RTL4: variants seen among roughly 807,000 people sequenced by gnomAD.
RTL4 encodes retrotransposon Gag-like protein 4.
Under a neutral mutation model 5.3 loss-of-function variants are expected in RTL4, and 4 were observed. The ratio of observed to expected loss-of-function variants is 0.75; its 90% confidence interval spans 0.37 to 1.72. RTL4 has a LOEUF of 1.72. RTL4 is among the 40% of genes most tolerant of loss of function. The pLI is 0.04. For synonymous variants in RTL4, 98 were observed against 87.3 expected (o/e 1.12, Z -0.68); for missense variants, 260 against 227.1 (o/e 1.14, Z -0.93).
the RTL4 span, among the ~76,000 whole-genome samples, chrX:112,153,465 TG>T: frequency 8.9e-6 from 1 of 112,263 alleles, no homozygotes; most frequent in South Asian, 3.6e-4. Flanking sequence ...GAGACATTTT[TG>T]TCATACTTTT....
the RTL4 span, among the ~76,000 whole-genome samples, chrX:112,094,306 T>G: frequency 2.7e-5 from 3 of 111,198 alleles, no homozygotes; most frequent in Non-Finnish European, 5.7e-5. Flanking sequence ...GTTTCTGGCT[T>G]GAACAAGTAG....
chrX:112,111,491 C>G, the RTL4 span, among the ~76,000 whole-genome samples: 1 of 113,001 alleles, frequency 8.8e-6, no homozygotes, highest in African/African-American at 3.2e-5. Flanking sequence ...TGCAATAACT[C>G]CATGATTTCC....
chrX:112,419,746 T>C, the RTL4 span, among the ~76,000 whole-genome samples: 4 of 105,825 alleles, frequency 3.8e-5, 1 homozygote, highest in Admixed American at 2.1e-4. Context: ...GATGGATTTA[T>C]GGTTTTTGAC....
chrX:112,269,163 G>A, the RTL4 span, among the ~76,000 whole-genome samples: 1 of 112,067 alleles, frequency 8.9e-6, no homozygotes, highest in Admixed American at 9.5e-5. Context: ...ACTGTCAGCT[G>A]GCATAAGTAT....
the RTL4 span, among the ~76,000 whole-genome samples, chrX:112,327,657 G>A: frequency 9.1e-5 from 10 of 109,424 alleles, no homozygotes; most frequent in African/African-American, 1.3e-4. Context: ...TACAGAGAAC[G>A]CCACAAAGAT....
chrX:112,455,103 T>C (rs1317309380), exon 1 of RTL4: 7 of 1,209,830 alleles, frequency 5.8e-6, no homozygotes, highest in East Asian at 5.9e-5. Flanking sequence ...TGAAGCAATA[T>C]GAGAATCTTA....
the RTL4 span, among the ~76,000 whole-genome samples, chrX:112,325,933 A>C: frequency 8.9e-6 from 1 of 112,139 alleles, no homozygotes; most frequent in Admixed American, 9.5e-5. Flanking sequence ...AGAATCTACA[A>C]AGAACTCAAC....
At chrX:112,092,670 T>C in the RTL4 span, among the ~76,000 whole-genome samples, 2 of 111,452 alleles carry the variant, frequency 1.8e-5, no homozygotes, top group African/African-American at 6.5e-5. Flanking sequence ...GGGAGGGACC[T>C]GGTGGGAGAT....
chrX:112,126,174 G>A, the RTL4 span, among the ~76,000 whole-genome samples: 6 of 111,753 alleles, frequency 5.4e-5, no homozygotes, highest in African/African-American at 2.0e-4. Context: ...CTAAGAAGTT[G>A]TTAACACAAG....
At chrX:112,131,940 A>G in the RTL4 span, among the ~76,000 whole-genome samples, 1 of 111,861 alleles carries the variant, frequency 8.9e-6, no homozygotes. Context: ...TCTAATCTGA[A>G]GTAGTACCTA....
the RTL4 span, among the ~76,000 whole-genome samples, chrX:112,304,921 C>T: frequency 9.1e-6 from 1 of 109,373 alleles, no homozygotes; most frequent in African/African-American, 3.3e-5. Flanking sequence ...CTAAGAGACC[C>T]GACCATCACC....
At chrX:112,315,384 A>G in the RTL4 span, among the ~76,000 whole-genome samples, 1 of 110,996 alleles carries the variant, frequency 9.0e-6, no homozygotes, top group Non-Finnish European at 1.9e-5. Context: ...GGAAGAACTC[A>G]TGACCTCCCC....
At chrX:112,363,953 G>C in the RTL4 span, among the ~76,000 whole-genome samples, 1 of 111,195 alleles carries the variant, frequency 9.0e-6, no homozygotes, top group Non-Finnish European at 1.9e-5. Context: ...GATTAGGAAG[G>C]CTCTTTGCTT....
chrX:112,118,607 T>C, the RTL4 span, among the ~76,000 whole-genome samples: 1 of 111,917 alleles, frequency 8.9e-6, no homozygotes, highest in African/African-American at 3.2e-5. Context: ...GGGAGGGAAT[T>C]ATACAAGGGT....
At chrX:112,241,309 A>G in the RTL4 span, among the ~76,000 whole-genome samples, 1,931 of 111,587 alleles carry the variant, frequency 0.017, 44 homozygotes, top group African/African-American at 0.06. Flanking sequence ...AGTCCCACCA[A>G]CAGTGTAAAA....
the RTL4 span, among the ~76,000 whole-genome samples, chrX:112,352,078 C>CT: frequency 1.8e-5 from 2 of 111,159 alleles, no homozygotes; most frequent in Non-Finnish European, 3.8e-5. Flanking sequence ...GACAAAATCT[C>CT]TCAGCATTTG....
chrX:112,455,250 C>A (rs1467958976), exon 1 of RTL4: 10 of 1,209,427 alleles, frequency 8.3e-6, no homozygotes, highest in Non-Finnish European at 1.1e-5. Flanking sequence ...AAAATCTGAT[C>A]TGTAATGAAA....
chrX:112,326,814 C>A, the RTL4 span, among the ~76,000 whole-genome samples: 1 of 111,254 alleles, frequency 9.0e-6, no homozygotes, highest in Non-Finnish European at 1.9e-5. Context: ...GATCTGAGAA[C>A]GGGCAGACTG....
chrX:112,155,612 G>A, the RTL4 span, among the ~76,000 whole-genome samples: 2 of 111,366 alleles, frequency 1.8e-5, no homozygotes, highest in Non-Finnish European at 3.8e-5. Context: ...AAGCTACTGT[G>A]GAGCTGGGAA....
Sources: allele counts gnomAD v4.1 joint callset (sites outside exome capture counted in the v4.1 genomes callset), GRCh38; gene constraint gnomAD v4.1.1; transcripts MANE v1.5; gene names NCBI Gene and HGNC (gene_info 2026-07-23, HGNC 2026-07-21).